The following MAPRE2 variants were observed in gnomAD, a reference collection of about 807,000 sequenced individuals.
MAPRE2 encodes the protein microtubule-associated protein RP/EB family member 2.
Under a neutral mutation model 43.2 loss-of-function variants are expected in MAPRE2, and 13 were observed. That is an observed-to-expected ratio of 0.30 (90% CI 0.20 to 0.48). The LOEUF is 0.48. MAPRE2 is among the 20% of genes least tolerant of loss of function. The pLI is 0.99. For missense variants in MAPRE2, 161 were observed against 400.2 expected (o/e 0.40, Z 5.10); for synonymous variants, 135 against 148.8 (o/e 0.91, Z 0.68).
chr18:34,989,322 G>A (rs1002611824), intron 1 of MAPRE2, among the ~76,000 whole-genome samples: 3 of 152,004 alleles, frequency 2.0e-5, no homozygotes, highest in African/African-American at 4.8e-5. Context: ...CTAGCTTTGG[G>A]GTCTTTGCCT....
intron 4 of MAPRE2, among the ~76,000 whole-genome samples, chr18:35,110,603 T>C (rs1909133101): frequency 6.6e-6 from 1 of 152,172 alleles, no homozygotes; most frequent in Admixed American, 6.5e-5. Context: ...TGAAGGACTT[T>C]TGTTAGGATT....
chr18:35,121,599 GA>G (rs1569011702), intron 4 of MAPRE2, among the ~76,000 whole-genome samples: 2 of 151,822 alleles, frequency 1.3e-5, no homozygotes, highest in Admixed American at 6.6e-5. Context: ...AATGCAGCTT[GA>G]AAAAAAATTT....
chr18:35,106,879 A>G (rs1426991791), intron 4 of MAPRE2, among the ~76,000 whole-genome samples: 1 of 152,192 alleles, frequency 6.6e-6, no homozygotes, highest in South Asian at 2.1e-4. Context: ...AATGATAGAT[A>G]TATAAGTACA....
At chr18:35,029,816 G>T (rs535592827) in intron 2 of MAPRE2, among the ~76,000 whole-genome samples, 1 of 152,308 alleles carries the variant, frequency 6.6e-6, no homozygotes, top group South Asian at 2.1e-4. Flanking sequence ...AAAGGAAATA[G>T]AGGAATTTCA....
intron 1 of MAPRE2, among the ~76,000 whole-genome samples, chr18:35,060,513 ACT>A (rs1398263897): frequency 2.0e-5 from 3 of 152,090 alleles, no homozygotes; most frequent in Admixed American, 2.0e-4. Flanking sequence ...TTAGCCTTTT[ACT>A]CTCTCATTGT....
At chr18:35,037,337 A>G (rs2097051068), upstream of MAPRE2, among the ~76,000 whole-genome samples, 1 of 152,192 alleles carries the variant, frequency 6.6e-6, no homozygotes, top group South Asian at 2.1e-4. Context: ...ATATAATTTA[A>G]TCTCCATCTC....
chr18:35,098,534 TG>T (rs1309014103), intron 3 of MAPRE2, among the ~76,000 whole-genome samples: 1 of 152,244 alleles, frequency 6.6e-6, no homozygotes, highest in Non-Finnish European at 1.5e-5. Context: ...GACTTCTCAT[TG>T]TCTTGGAATT....
At chr18:35,004,155 C>T (rs2097030668) in intron 1 of MAPRE2, among the ~76,000 whole-genome samples, 1 of 151,988 alleles carries the variant, frequency 6.6e-6, no homozygotes, top group African/African-American at 2.4e-5. Context: ...TAAACATCTC[C>T]TTTTTCCCTT....
chr18:35,088,542 A>G (rs1329275618), intron 2 of MAPRE2, among the ~76,000 whole-genome samples: 1 of 152,216 alleles, frequency 6.6e-6, no homozygotes, highest in Non-Finnish European at 1.5e-5. Flanking sequence ...GAATAAGGGT[A>G]ACCGTGGCAT....
intron 1 of MAPRE2, among the ~76,000 whole-genome samples, chr18:34,997,135 T>G (rs1241416139): frequency 6.6e-6 from 1 of 152,230 alleles, no homozygotes; most frequent in African/African-American, 2.4e-5. Context: ...TTATTCATTT[T>G]TGTATCCCTA....
chr18:35,117,065 A>G (rs536011561), intron 4 of MAPRE2, among the ~76,000 whole-genome samples: 1 of 152,354 alleles, frequency 6.6e-6, no homozygotes, highest in East Asian at 1.9e-4. Context: ...AGTGGCCTTA[A>G]TGAAGGTAGT....
intron 2 of MAPRE2, among the ~76,000 whole-genome samples, chr18:35,005,865 C>T (rs1271820279): frequency 6.6e-6 from 1 of 152,136 alleles, no homozygotes; most frequent in African/African-American, 2.4e-5. Context: ...AAAATGAACT[C>T]ATGACATCGC....
intron 3 of MAPRE2, among the ~76,000 whole-genome samples, chr18:35,101,035 G>A (rs545162183): frequency 1.3e-5 from 2 of 152,230 alleles, no homozygotes; most frequent in South Asian, 2.1e-4. Context: ...GTGAAACTCC[G>A]TCTCAAAATA....
intron 3 of MAPRE2, among the ~76,000 whole-genome samples, chr18:35,097,798 G>A (rs1569002531): frequency 6.6e-6 from 1 of 152,152 alleles, no homozygotes; most frequent in Non-Finnish European, 1.5e-5. Flanking sequence ...GTAGCCAGTA[G>A]ACTAAAAACT....
chr18:35,064,026 A>AAAAAAAAAAAAAAAAAT (rs1906702467), intron 1 of MAPRE2, among the ~76,000 whole-genome samples: 1 of 141,872 alleles, frequency 7.0e-6, no homozygotes, highest in Non-Finnish European at 1.5e-5. Context: ...AAAAAAAAAA[A>AAAAAAAAAAAAAAAAAT]AAAAAAATCT....
At chr18:35,057,143 T>C (rs1753844338) in intron 1 of MAPRE2, among the ~76,000 whole-genome samples, 1 of 152,122 alleles carries the variant, frequency 6.6e-6, no homozygotes, top group African/African-American at 2.4e-5. Context: ...GCCTCCCAAG[T>C]AACTGGGATT....
intron 4 of MAPRE2, among the ~76,000 whole-genome samples, chr18:35,123,907 A>G (rs1909794176): frequency 6.6e-6 from 1 of 152,234 alleles, no homozygotes; most frequent in Non-Finnish European, 1.5e-5. Context: ...TGGGAGAAGT[A>G]GACATTAAAG....
chr18:34,981,891 T>A (rs144934316), intron 1 of MAPRE2, among the ~76,000 whole-genome samples: 2,177 of 29,218 alleles, frequency 0.075, 49 homozygotes, highest in Non-Finnish European at 0.12. Context: ...TTATTTATTT[T>A]TTTTTTTTTT....
chr18:34,991,512 C>A (rs190943640), intron 1 of MAPRE2, among the ~76,000 whole-genome samples: 1 of 152,286 alleles, frequency 6.6e-6, no homozygotes, highest in African/African-American at 2.4e-5. Flanking sequence ...GACTGCAAGA[C>A]TAAAGGGAGT....
Sources: allele counts gnomAD v4.1 joint callset (sites outside exome capture counted in the v4.1 genomes callset), GRCh38; gene constraint gnomAD v4.1.1; transcripts MANE v1.5; gene names NCBI Gene and HGNC (gene_info 2026-07-23, HGNC 2026-07-21).